The following ADAMTSL1 variants were observed in gnomAD, a reference collection of about 807,000 sequenced individuals.
ADAMTSL1 encodes ADAMTS like 1.
ADAMTSL1 carries 126 observed loss-of-function variants against 201.8 expected under a neutral mutation model. The ratio of observed to expected loss-of-function variants is 0.62; its 90% confidence interval spans 0.54 to 0.72. ADAMTSL1 has a LOEUF of 0.72. Ranked by LOEUF, ADAMTSL1 falls within the 30% of genes least tolerant of loss-of-function variation. The probability of loss-of-function intolerance (pLI) is 0.00; values close to 1 mark genes in which losing one functional copy is unlikely to be tolerated. For synonymous variants in ADAMTSL1, 1,121 were observed against 903.4 expected, an observed-to-expected ratio of 1.24 and a Z score of -4.32; for missense variants, 2,679 against 2,277.8, an observed-to-expected ratio of 1.18 and a Z score of -3.59.
chr9:18,201,972 A>C (rs1829466947), intron 2 of ADAMTSL1, among the ~76,000 whole-genome samples: 1 of 152,162 alleles, frequency 6.6e-6, no homozygotes, highest in African/African-American at 2.4e-5. Context: ...CATGCATTAA[A>C]TTGACATACT....
chr9:18,908,694 C>A lies in ADAMTSL1; in HGVS notation c.*146C>A. 1 of 633,678 alleles carries A rather than the reference C, an allele frequency of 1.6e-6. No homozygotes were observed. Among genetic ancestry groups the A allele is most frequent in the East Asian group, 2.8e-5 (1 of 35,286 alleles). 39.3% of individuals were successfully genotyped at this position (633,678 alleles called of 1,614,324 possible). On this transcript the variant is annotated 3_prime_UTR_variant, in exon 29 of 29. Transcript: ENST00000380548. Reference sequence around the variant, plus strand: ...CCCTTCCAACCTCCTCCACCTCCACCTTCAAGCATAAGGACGTCCGCGTGT... The same window carrying A: ...CCCTTCCAACCTCCTCCACCTCCACATTCAAGCATAAGGACGTCCGCGTGT...
At chr9:18,040,332 G>A (rs1035684497) in intron 1 of ADAMTSL1, among the ~76,000 whole-genome samples, 3 of 152,302 alleles carry the variant, frequency 2.0e-5, no homozygotes, top group African/African-American at 2.4e-5. Context: ...TTTTGGACAT[G>A]AGCAGATAAG....
At chr9:18,246,039 C>G (rs1831248029) in intron 2 of ADAMTSL1, among the ~76,000 whole-genome samples, 1 of 152,106 alleles carries the variant, frequency 6.6e-6, no homozygotes, top group African/African-American at 2.4e-5. Context: ...TCCTATGTCC[C>G]TCTACCGGCT....
chr9:18,623,532 A>T (rs938964617), intron 5 of ADAMTSL1, among the ~76,000 whole-genome samples: 9 of 152,140 alleles, frequency 5.9e-5, no homozygotes, highest in Non-Finnish European at 1.0e-4. Context: ...TGCAAAGCAG[A>T]TAGATGGATC....
intron 2 of ADAMTSL1, among the ~76,000 whole-genome samples, chr9:18,353,873 A>G (rs2133041052): frequency 6.6e-6 from 1 of 152,268 alleles, no homozygotes. Context: ...ATACATACAT[A>G]CTGCAGAAAA....
chr9:18,668,544 CT>C (rs1829612755), intron 9 of ADAMTSL1, among the ~76,000 whole-genome samples: 1 of 152,102 alleles, frequency 6.6e-6, no homozygotes, highest in South Asian at 2.1e-4. Context: ...TATTTCCATC[CT>C]TATTTTTAAC....
intron 19 of ADAMTSL1, among the ~76,000 whole-genome samples, chr9:18,787,873 T>C (rs1821794340): frequency 6.6e-6 from 1 of 152,174 alleles, no homozygotes; most frequent in Admixed American, 6.5e-5. Context: ...GGTTTGTAAT[T>C]TGAAATGAGT....
At chr9:18,853,448 A>C (rs1290566764) in intron 23 of ADAMTSL1, among the ~76,000 whole-genome samples, 1 of 152,098 alleles carries the variant, frequency 6.6e-6, no homozygotes, top group Non-Finnish European at 1.5e-5. Flanking sequence ...GTCCTTGTGC[A>C]TGCTCAGTCC....
At chr9:18,456,566 T>C (rs1020379874) in intron 2 of ADAMTSL1, among the ~76,000 whole-genome samples, 3 of 152,234 alleles carry the variant, frequency 2.0e-5, no homozygotes, top group Non-Finnish European at 2.9e-5. Context: ...TAGTACCTAA[T>C]GGATTCATTT....
chr9:18,440,053 G>C (rs965399026), intron 2 of ADAMTSL1, among the ~76,000 whole-genome samples: 1 of 152,130 alleles, frequency 6.6e-6, no homozygotes, highest in Non-Finnish European at 1.5e-5. Context: ...TGTGGTGCTA[G>C]CTAGCTAACC....
At chr9:18,830,550 C>T (rs551836179) in intron 23 of ADAMTSL1, among the ~76,000 whole-genome samples, 69 of 152,196 alleles carry the variant, frequency 4.5e-4, no homozygotes, top group South Asian at 4.4e-3. Context: ...GTGTTGGAAA[C>T]CTTCACCAAG....
At chr9:18,605,079 A>T (rs1411237635) in intron 4 of ADAMTSL1, among the ~76,000 whole-genome samples, 2 of 152,214 alleles carry the variant, frequency 1.3e-5, no homozygotes, top group Non-Finnish European at 2.9e-5. Context: ...ATGTTCGGCC[A>T]TGGAACTCCT....
At chr9:18,778,277 A>G (rs534965723) in intron 19 of ADAMTSL1, among the ~76,000 whole-genome samples, 2 of 152,326 alleles carry the variant, frequency 1.3e-5, no homozygotes, top group South Asian at 4.1e-4. Flanking sequence ...TGAACCATGG[A>G]AAAGCTTTGA....
At chr9:18,388,006 T>G (rs1163279700) in intron 2 of ADAMTSL1, among the ~76,000 whole-genome samples, 2 of 146,740 alleles carry the variant, frequency 1.4e-5, no homozygotes, top group Non-Finnish European at 3.1e-5. Context: ...ATTTATATCT[T>G]TTTTCATACG....
intron 1 of ADAMTSL1, among the ~76,000 whole-genome samples, chr9:17,930,356 G>A (rs145533016): frequency 2.0e-5 from 3 of 152,072 alleles, no homozygotes; most frequent in African/African-American, 7.2e-5. Context: ...AAGTTTTCTT[G>A]GGGGTAGTCC....
At chr9:18,425,030 G>A (rs553925498) in intron 2 of ADAMTSL1, among the ~76,000 whole-genome samples, 16 of 152,244 alleles carry the variant, frequency 1.1e-4, no homozygotes, top group African/African-American at 1.7e-4. Context: ...AAAGGAAGTC[G>A]TACAATGTTT....
intron 2 of ADAMTSL1, among the ~76,000 whole-genome samples, chr9:18,212,326 T>A (rs748327962): frequency 2.0e-4 from 31 of 152,202 alleles, no homozygotes; most frequent in Non-Finnish European, 3.4e-4. Context: ...CCTGGGCCAA[T>A]GTTTCTTGTG....
upstream of ADAMTSL1, among the ~76,000 whole-genome samples, chr9:18,469,244 TACAAAGAGTC>T (rs1024366562): frequency 6.6e-6 from 1 of 152,212 alleles, no homozygotes; most frequent in Non-Finnish European, 1.5e-5. Context: ...CCCTTTGCTT[TACAAAGAGTC>T]AGTATAGCTT....
chr9:18,635,900 G>T, intron 5 of ADAMTSL1, 43 bp from the exon 6 acceptor site: 1 of 1,542,134 alleles, frequency 6.5e-7, no homozygotes. Flanking sequence ...ATAATTTTGT[G>T]TCAAGTGACA....
Sources: allele counts gnomAD v4.1 joint callset (sites outside exome capture counted in the v4.1 genomes callset), GRCh38; gene constraint gnomAD v4.1.1; transcripts MANE v1.5; gene names NCBI Gene and HGNC (gene_info 2026-07-23, HGNC 2026-07-21).